Variants in TBCK observed in about 807,000 individuals in gnomAD.
TBCK encodes TBC domain-containing protein kinase-like protein.
Under a neutral mutation model 113.4 loss-of-function variants are expected in TBCK, and 99 were observed. The ratio of observed to expected loss-of-function variants is 0.87; its 90% CI spans 0.74 to 1.03. The LOEUF (loss-of-function observed/expected upper bound fraction) is 1.03. Among genes scored for constraint, TBCK ranks in the 50% least tolerant of loss-of-function variants. The probability of loss-of-function intolerance (pLI) is 0.00; values close to 1 mark genes in which losing one functional copy is unlikely to be tolerated. For synonymous variants in TBCK, 369 were observed against 370.8 expected (o/e 1.00, Z 0.05); for missense variants, 1,045 against 1,061.3 (o/e 0.98, Z 0.21).
At chr4:106,196,177 C>CAT (rs1754214987) in intron 20 of TBCK, among the ~76,000 whole-genome samples, 1 of 151,714 alleles carries the variant, frequency 6.6e-6, no homozygotes, top group African/African-American at 2.4e-5. Flanking sequence ...TACATACACA[C>CAT]ATATATAGCT....
intron 23 of TBCK, chr4:106,164,371 T>A (rs1002349611): frequency 1.3e-5 from 2 of 152,030 alleles, no homozygotes; most frequent in Non-Finnish European, 2.9e-5. Context: ...GATACATAAT[T>A]GTACTTTTCC....
At chr4:106,056,577 T>C (rs1193370978) in intron 25 of TBCK, among the ~76,000 whole-genome samples, 1 of 149,102 alleles carries the variant, frequency 6.7e-6, no homozygotes, top group East Asian at 2.0e-4. Flanking sequence ...TTTTTTTTTT[T>C]CATTCTTCTT....
At chr4:106,165,674 CT>C (rs1471286272) in intron 23 of TBCK, among the ~76,000 whole-genome samples, 1 of 151,634 alleles carries the variant, frequency 6.6e-6, no homozygotes, top group East Asian at 1.9e-4. Flanking sequence ...ATTTTTTACT[CT>C]TTTGGAGTGC....
At chr4:106,184,865 T>A (rs1372610625) in intron 22 of TBCK, among the ~76,000 whole-genome samples, 2 of 152,244 alleles carry the variant, frequency 1.3e-5, no homozygotes, top group African/African-American at 4.8e-5. Context: ...ATTACTGATA[T>A]ATGGGTAAAC....
intron 3 of TBCK, among the ~76,000 whole-genome samples, chr4:106,276,738 A>G (rs927354629): frequency 6.6e-6 from 1 of 151,856 alleles, no homozygotes; most frequent in African/African-American, 2.4e-5. Flanking sequence ...ATCTACTAAA[A>G]ACAAAAATTG....
rs995128466 is a variant in TBCK, at chr4:106,171,231, AG to A, written c.2098del (p.Leu700CysfsTer53). 1 of 1,611,194 alleles carries A rather than the reference AG, an allele frequency of 6.2e-7. No homozygotes were observed. The highest frequency in any genetic ancestry group is 1.3e-5 in the African/African-American group (1 of 74,752). On this transcript the variant is annotated frameshift_variant, in exon 23 of 26. Transcript: ENST00000394708. LOFTEE classifies it high-confidence loss of function. The part of the protein sequence containing the change: ...IERCVRESIN[L>X]FCWTPKSATY... ...AGCACTTTTAGGAGTCCAACAAAACAGGTTGATAGATTCTCTCACACAGCGT... is the reference window on the plus strand; with the variant it reads ...AGCACTTTTAGGAGTCCAACAAAACAGTTGATAGATTCTCTCACACAGCGT...
chr4:106,184,125 C>T (rs1395461572), intron 22 of TBCK, among the ~76,000 whole-genome samples: 1 of 152,036 alleles, frequency 6.6e-6, no homozygotes, highest in Non-Finnish European at 1.5e-5. Flanking sequence ...TGAAATTATA[C>T]TTGTCATTTT....
Position 106,257,906 on chromosome 4 carries a change from T to C in TBCK, c.455+2531A>G, listed in dbSNP as rs1579421963. On this transcript the variant is annotated intron_variant, in intron 5 of 25. Coordinates refer to ENST00000394708, the MANE Select transcript of TBCK (RefSeq NM_001163435.3). Reference sequence around the variant, plus strand: ...ATACAAATGCAATGGTATACTTTTATCATCACCACAATACATCCAGAAGTC... The same window carrying C: ...ATACAAATGCAATGGTATACTTTTACCATCACCACAATACATCCAGAAGTC... 4.6e-5 allele frequency among the ~76,000 whole-genome samples: 7 copies of C among 152,196 alleles called. No homozygotes were observed. In the South Asian group the frequency reaches 1.4e-3, roughly 32 times the overall value.
chr4:106,147,543 G>C (rs776100202), intron 23 of TBCK, among the ~76,000 whole-genome samples: 3 of 152,090 alleles, frequency 2.0e-5, no homozygotes, highest in Non-Finnish European at 4.4e-5. Context: ...AATTTCTTAT[G>C]CCTGTCTTTA....
intron 5 of TBCK, among the ~76,000 whole-genome samples, chr4:106,252,538 T>G (rs966070490): frequency 2.0e-5 from 3 of 152,092 alleles, no homozygotes; most frequent in African/African-American, 7.2e-5. Flanking sequence ...TACATATTGC[T>G]ATATACCTTT....
chr4:106,272,334 T>C (rs2125748342), intron 3 of TBCK, among the ~76,000 whole-genome samples: 1 of 152,286 alleles, frequency 6.6e-6, no homozygotes, highest in East Asian at 1.9e-4. Flanking sequence ...CATACGTTTC[T>C]TAATGTGTGT....
intron 24 of TBCK, among the ~76,000 whole-genome samples, chr4:106,108,215 C>CA (rs1380224704): frequency 1.3e-5 from 2 of 152,010 alleles, no homozygotes; most frequent in Admixed American, 6.6e-5. Context: ...GTGACTATTC[C>CA]AAAAAAATTG....
chr4:106,181,655 G>A (rs1232870159), intron 22 of TBCK, among the ~76,000 whole-genome samples: 1 of 152,082 alleles, frequency 6.6e-6, no homozygotes, highest in Non-Finnish European at 1.5e-5. Flanking sequence ...TGTGTGTCAG[G>A]TTTGTTAAAG....
chr4:106,075,680 T>C (rs1308824542), intron 25 of TBCK, among the ~76,000 whole-genome samples: 1 of 152,204 alleles, frequency 6.6e-6, no homozygotes, highest in Non-Finnish European at 1.5e-5. Context: ...TTTACCTTTA[T>C]GGTAAAATTA....
At chr4:106,120,643 G>A (rs911096217) in intron 23 of TBCK, among the ~76,000 whole-genome samples, 10 of 152,202 alleles carry the variant, frequency 6.6e-5, no homozygotes, top group Admixed American at 2.6e-4. Flanking sequence ...TGTCTCCTCA[G>A]GTGGGTCCCT....
intron 23 of TBCK, among the ~76,000 whole-genome samples, chr4:106,155,972 G>T (rs1560732888): frequency 6.6e-6 from 1 of 152,084 alleles, no homozygotes; most frequent in South Asian, 2.1e-4. Context: ...GGACATTGAA[G>T]AGTTAGGTAT....
chr4:106,264,219 T>C (rs951401534), intron 3 of TBCK, among the ~76,000 whole-genome samples: 1 of 137,382 alleles, frequency 7.3e-6, no homozygotes, highest in Non-Finnish European at 1.6e-5. Flanking sequence ...AAATAGATAA[T>C]GTGACATGTA....
intron 24 of TBCK, among the ~76,000 whole-genome samples, chr4:106,103,424 A>G (rs752818014): frequency 1.3e-5 from 2 of 152,222 alleles, no homozygotes; most frequent in Non-Finnish European, 2.9e-5. Flanking sequence ...ATTAATTTCT[A>G]TTAACTCATT....
Position 106,045,052 on chromosome 4 carries a change from T to A in TBCK, c.*1518A>T, listed in dbSNP as rs908669307. The A allele has an allele frequency of 4.8e-5, 7 of 144,732 alleles. No individual in the cohort carries two copies. Among genetic ancestry groups the A allele is most frequent in the Non-Finnish European group, 1.0e-4 (7 of 67,032 alleles). 9.0% of individuals were successfully genotyped at this position (144,732 alleles called of 1,614,324 possible). A position where few individuals can be genotyped will look rare whatever the true frequency, so the allele number is the denominator to read the frequency against. On this transcript the variant is annotated 3_prime_UTR_variant, in exon 26 of 26. Transcript: ENST00000394708. ...TTCAGATTTCTGAAATGGGAATGTA[T>A]CTTTCTTTTTTTTTTTTTTTTTGAG...
Sources: gnomAD v4.1 joint callset for allele counts (sites outside exome capture counted in the v4.1 genomes callset) on GRCh38, gnomAD v4.1.1 for gene constraint, MANE v1.5 for transcripts, NCBI Gene and HGNC (gene_info 2026-07-23, HGNC 2026-07-21) for gene names.